GLIS1: variants seen among roughly 807,000 people sequenced by gnomAD.
GLIS1 encodes GLIS family zinc finger 1.
In GLIS1, 24 loss-of-function variants were observed where a neutral mutation model predicts 63.8. The ratio of observed to expected loss-of-function variants is 0.38; its 90% CI spans 0.27 to 0.53. The LOEUF is 0.53. Ranked by LOEUF, GLIS1 falls within the 20% of genes least tolerant of loss-of-function variation. The pLI, the probability that GLIS1 is intolerant of heterozygous loss-of-function variation, is 0.85. For missense variants in GLIS1, 1,036 were observed against 1,074.1 expected, an observed-to-expected ratio of 0.96 and a Z score of 0.50; for synonymous variants, 450 against 482.5, an observed-to-expected ratio of 0.93 and a Z score of 0.88.
rs565802222 is a variant in GLIS1, at chr1:53,717,268, G to A, written c.259+20538C>T. 9.2e-5 allele frequency among the ~76,000 whole-genome samples: 14 copies of A among 152,282 alleles called. 1 individual carries two copies. In the South Asian group the frequency reaches 1.7e-3, roughly 18 times the overall value. The stretch of plus-strand genomic sequence containing the variant: ...TCTATCACCTCTTTGATGTGAGGAT[G>A]AATTAATCCACGTAAAGCAGTGAGG... On this transcript the variant is annotated intron_variant, in intron 2 of 10. Coordinates refer to ENST00000628545, the MANE Select transcript of GLIS1 (RefSeq NM_001367484.1).
intron 4 of GLIS1, among the ~76,000 whole-genome samples, chr1:53,549,113 AC>A (rs1259115706): frequency 3.3e-5 from 5 of 152,200 alleles, no homozygotes; most frequent in Non-Finnish European, 7.3e-5. Context: ...ATGTGTCGAT[AC>A]TTCACTCTTT....
At chr1:53,561,275 A>G (rs1644889792) in intron 4 of GLIS1, among the ~76,000 whole-genome samples, 1 of 152,176 alleles carries the variant, frequency 6.6e-6, no homozygotes, top group Admixed American at 6.5e-5. Context: ...AATATATTGC[A>G]TTTATAAACA....
In GLIS1 at chr1:53,615,250, A is replaced by G. The variant is rs1315062353; in HGVS notation, c.260-14972T>C. Among the ~76,000 whole-genome samples the G allele has an allele frequency of 4.6e-5, 7 of 152,268 alleles. No individual in the cohort carries two copies. The South Asian group carries it at 1.2e-3, about 27-fold the overall frequency. Reference sequence around the variant, plus strand: ...TTCCCCTTGGTGGCTGATGGATGGAAACAGGTGCATCCACATGAGATAAGG... The same window carrying G: ...TTCCCCTTGGTGGCTGATGGATGGAGACAGGTGCATCCACATGAGATAAGG... On this transcript the variant is annotated intron_variant, in intron 2 of 10. Transcript: ENST00000628545.
At chr1:53,732,814 A>T (rs1287281258) in intron 2 of GLIS1, among the ~76,000 whole-genome samples, 4 of 151,978 alleles carry the variant, frequency 2.6e-5, no homozygotes, top group African/African-American at 9.7e-5. Flanking sequence ...AAAAAAAAAA[A>T]ATAACAAACC....
chr1:53,534,845 T>A (rs1644566914), intron 4 of GLIS1, among the ~76,000 whole-genome samples: 1 of 151,896 alleles, frequency 6.6e-6, no homozygotes, highest in Admixed American at 6.5e-5. Flanking sequence ...CAAAGACCCA[T>A]AGCTCCAAAC....
chr1:53,701,629 C>T (rs976993025), intron 2 of GLIS1, among the ~76,000 whole-genome samples: 2 of 152,232 alleles, frequency 1.3e-5, no homozygotes, highest in Non-Finnish European at 2.9e-5. Context: ...CTGCAGGGCC[C>T]TGGCTCTTAA....
intron 2 of GLIS1, among the ~76,000 whole-genome samples, chr1:53,656,038 G>A (rs1006194994): frequency 2.0e-5 from 3 of 152,218 alleles, no homozygotes; most frequent in Non-Finnish European, 4.4e-5. Flanking sequence ...CCATCACCAG[G>A]GGCTCAGCCC....
intron 2 of GLIS1, among the ~76,000 whole-genome samples, chr1:53,651,193 ATTGT>A (rs1358349647): frequency 5.9e-5 from 9 of 152,216 alleles, no homozygotes; most frequent in African/African-American, 2.2e-4. Flanking sequence ...TCATGTGCAC[ATTGT>A]TTGTGGAGAG....
intron 2 of GLIS1, among the ~76,000 whole-genome samples, chr1:53,723,656 T>C (rs1646778575): frequency 6.6e-6 from 1 of 152,170 alleles, no homozygotes; most frequent in African/African-American, 2.4e-5. Flanking sequence ...ATAGTAGTCA[T>C]TACTGGGGGG....
intron 4 of GLIS1, among the ~76,000 whole-genome samples, chr1:53,575,483 C>T (rs1044187098): frequency 2.0e-5 from 3 of 152,172 alleles, no homozygotes; most frequent in Non-Finnish European, 4.4e-5. Context: ...TTTAGCACCT[C>T]GGTAGTTCTT....
chr1:53,531,539 T>C (rs1280453010), intron 4 of GLIS1, among the ~76,000 whole-genome samples: 2 of 152,202 alleles, frequency 1.3e-5, no homozygotes, highest in Admixed American at 1.3e-4. Flanking sequence ...GAGTAATTTC[T>C]GGTGCGAGGC....
At chr1:53,636,756 G>A (rs1463937487) in intron 2 of GLIS1, among the ~76,000 whole-genome samples, 1 of 152,168 alleles carries the variant, frequency 6.6e-6, no homozygotes, top group African/African-American at 2.4e-5. Context: ...GTCACTCGGC[G>A]ACGCCTACTG....
In GLIS1 at chr1:53,524,628, C is replaced by T. The variant is rs566075428; in HGVS notation, c.1593+149G>A. 3.1e-4 allele frequency: 193 copies of T among 628,146 alleles called. 1 individual carries two copies. Among genetic ancestry groups the T allele is most frequent in the Admixed American group, 3.0e-3 (115 of 38,846 alleles). 38.9% of individuals were successfully genotyped at this position (628,146 alleles called of 1,614,324 possible). On this transcript the variant is annotated intron_variant, in intron 6 of 10. Coordinates refer to ENST00000628545, the MANE Select transcript of GLIS1 (RefSeq NM_001367484.1). ...ACACTAAGGGCAGGTGGGAAGTGGA[C>T]GGACGGACGAACGGACGAACGGATG...
At chr1:53,605,064 G>A (rs1216351583) in intron 2 of GLIS1, among the ~76,000 whole-genome samples, 1 of 151,792 alleles carries the variant, frequency 6.6e-6, no homozygotes, top group Non-Finnish European at 1.5e-5. Context: ...ATCTCATGCA[G>A]CAGTGAGAGA....
At chr1:53,719,684 G>A (rs1044604266) in intron 2 of GLIS1, among the ~76,000 whole-genome samples, 5 of 152,068 alleles carry the variant, frequency 3.3e-5, no homozygotes, top group Non-Finnish European at 5.9e-5. Flanking sequence ...GAGTAAGATG[G>A]GGGTGGAGTG....
chr1:53,587,409 C>T (rs975762325), intron 4 of GLIS1, among the ~76,000 whole-genome samples: 5 of 152,154 alleles, frequency 3.3e-5, no homozygotes. Flanking sequence ...CCATCCAATC[C>T]TAGATTGAGT....
chr1:53,514,881 A>C (rs1644335025), intron 7 of GLIS1, 100 bp from the exon 8 acceptor site: 2 of 1,365,254 alleles, frequency 1.5e-6, no homozygotes, highest in African/African-American at 3.0e-5. Context: ...AGAAATAAAG[A>C]CAAGAGGGAA....
intron 4 of GLIS1, among the ~76,000 whole-genome samples, chr1:53,571,824 C>T (rs566690378): frequency 2.0e-5 from 3 of 152,058 alleles, no homozygotes; most frequent in African/African-American, 7.2e-5. Flanking sequence ...GTGATCCGCC[C>T]GCCTCAGCCT....
At chr1:53,508,781 C>T (rs1201653205) in intron 10 of GLIS1, among the ~76,000 whole-genome samples, 6 of 152,224 alleles carry the variant, frequency 3.9e-5, no homozygotes, top group Admixed American at 1.3e-4. Context: ...TCCCCAGGGT[C>T]TGCAGCTATG....
Sources: allele counts gnomAD v4.1 joint callset (sites outside exome capture counted in the v4.1 genomes callset), GRCh38; gene constraint gnomAD v4.1.1; transcripts MANE v1.5; gene names NCBI Gene and HGNC (gene_info 2026-07-23, HGNC 2026-07-21).